Variants in ROR2 observed in about 807,000 individuals in gnomAD.
ROR2 encodes tyrosine-protein kinase transmembrane receptor ROR2.
In ROR2, 33 loss-of-function variants were observed where a neutral mutation model predicts 74.9. The ratio of observed to expected loss-of-function variants is 0.44; its 90% CI spans 0.33 to 0.59. The LOEUF is 0.59. Ranked by LOEUF, ROR2 falls within the 20% of genes least tolerant of loss-of-function variation. The pLI, the probability that ROR2 is intolerant of heterozygous loss-of-function variation, is 0.02. For missense variants in ROR2, 1,216 were observed against 1,313.8 expected, an observed-to-expected ratio of 0.93 and a Z score of 1.15; for synonymous variants, 586 against 558.7, an observed-to-expected ratio of 1.05 and a Z score of -0.69.
intron 1 of ROR2, among the ~76,000 whole-genome samples, chr9:91,786,318 CTCTG>C (rs1213509253): frequency 1.4e-5 from 2 of 147,600 alleles, no homozygotes; most frequent in African/African-American, 5.0e-5. Context: ...CAGAGCAAGA[CTCTG>C]TCAATCAATC....
At chr9:91,740,404 T>C (rs1482106125) in intron 4 of ROR2, among the ~76,000 whole-genome samples, 1 of 151,572 alleles carries the variant, frequency 6.6e-6, no homozygotes. Flanking sequence ...AAAACAAAAT[T>C]AGCCAGGCGT....
At chr9:91,841,901 A>C (rs1260415087) in intron 1 of ROR2, among the ~76,000 whole-genome samples, 1 of 152,190 alleles carries the variant, frequency 6.6e-6, no homozygotes, top group Non-Finnish European at 1.5e-5. Flanking sequence ...GGCAGCCACC[A>C]TGAGAGTCAT....
At position 91,724,258 on chromosome 9, in the gene ROR2, G is replaced by A. The variant is rs1836916811; in HGVS notation, c.2236C>T (p.Leu746Phe). ...RPRFKDIHSR[L>F]RAWGNLSNYN... Reference sequence around the variant, plus strand: ...TTGGAAAGGTTGCCCCAGGCTCGGAGCCGGCTGTGGATGTCCTTGAAGCGG... The same window carrying A: ...TTGGAAAGGTTGCCCCAGGCTCGGAACCGGCTGTGGATGTCCTTGAAGCGG... Residue 746 changes from leucine (L) to phenylalanine (F), a missense_variant, in exon 9 of 9, where the codon CTC (leucine) becomes TTC (phenylalanine). Coordinates refer to ENST00000375708, the MANE Select transcript of ROR2 (RefSeq NM_004560.4). 6.2e-7 allele frequency: 1 copy of A among 1,613,526 alleles called. No homozygotes were observed. Among genetic ancestry groups the A allele is most frequent in the East Asian group, 2.2e-5 (1 of 44,884 alleles).
At chr9:91,739,366 G>A (rs1825141769) in intron 4 of ROR2, among the ~76,000 whole-genome samples, 1 of 152,076 alleles carries the variant, frequency 6.6e-6, no homozygotes, top group Non-Finnish European at 1.5e-5. Flanking sequence ...AACTAGCTGG[G>A]CGTGGTGGCG....
At chr9:91,759,815 C>T (rs1336266868) in intron 2 of ROR2, among the ~76,000 whole-genome samples, 1 of 152,208 alleles carries the variant, frequency 6.6e-6, no homozygotes, top group Admixed American at 6.5e-5. Context: ...GTCTCACGGA[C>T]AGCACCACGT....
intron 1 of ROR2, among the ~76,000 whole-genome samples, chr9:91,879,880 G>A (rs1241167852): frequency 6.6e-6 from 1 of 151,950 alleles, no homozygotes; most frequent in Non-Finnish European, 1.5e-5. Context: ...AGAGCTTTTT[G>A]CCTCTGCTTG....
At chr9:91,891,242 C>A (rs138228364) in intron 1 of ROR2, among the ~76,000 whole-genome samples, 81 of 145,338 alleles carry the variant, frequency 5.6e-4, no homozygotes, top group Non-Finnish European at 8.2e-4. Context: ...GTCAGCAGGG[C>A]TGTTCCTTTC....
chr9:91,915,470 G>A (rs548835478), intron 1 of ROR2, among the ~76,000 whole-genome samples: 4 of 152,270 alleles, frequency 2.6e-5, no homozygotes, highest in East Asian at 3.9e-4. Context: ...TTTTTCTTCC[G>A]GTGGGTTCGT....
In ROR2 at chr9:91,786,322, GTCAATCAA is replaced by G. The variant is rs139592847; in HGVS notation, c.98-10512_98-10505del. 7.8e-3 allele frequency among the ~76,000 whole-genome samples: 1,153 copies of G among 147,898 alleles called. 2 individuals carry two copies. Among genetic ancestry groups the G allele is most frequent in the South Asian group, 0.021 (95 of 4,596 alleles). On this transcript the variant is annotated intron_variant, in intron 1 of 8. Coordinates refer to ENST00000375708, the MANE Select transcript of ROR2 (RefSeq NM_004560.4). ...AGTCTGGGCAACAGAGCAAGACTCT[GTCAATCAA>G]TCAATCAATCAATCAATCAATAAGT...
At chr9:91,869,979 C>G (rs190791291) in intron 1 of ROR2, among the ~76,000 whole-genome samples, 1 of 152,246 alleles carries the variant, frequency 6.6e-6, no homozygotes, top group Admixed American at 6.5e-5. Context: ...CCAAAGGCAG[C>G]CCACCATCTG....
intron 1 of ROR2, among the ~76,000 whole-genome samples, chr9:91,936,213 G>A (rs919385986): frequency 6.6e-6 from 1 of 152,162 alleles, no homozygotes; most frequent in Non-Finnish European, 1.5e-5. Flanking sequence ...GGCACTTATG[G>A]GTGGATGCGT....
chr9:91,748,347 T>C (rs1170697718), intron 4 of ROR2, among the ~76,000 whole-genome samples: 9 of 152,152 alleles, frequency 5.9e-5, no homozygotes, highest in Non-Finnish European at 4.4e-5. Flanking sequence ...AGTTGTCAAG[T>C]GAGACATATG....
intron 1 of ROR2, among the ~76,000 whole-genome samples, chr9:91,875,672 A>G (rs2119347341): frequency 6.6e-6 from 1 of 152,328 alleles, no homozygotes; most frequent in African/African-American, 2.4e-5. Context: ...GAGCCAAAAG[A>G]AAGAAAATGA....
intron 1 of ROR2, among the ~76,000 whole-genome samples, chr9:91,829,565 A>AAAAAAAAAAAAAAAAAAAC: frequency 1.3e-5 from 2 of 150,812 alleles, no homozygotes; most frequent in African/African-American, 2.4e-5. Context: ...AAAAAAAAAA[A>AAAAAAAAAAAAAAAAAAAC]AAAAAAAAGC....
At chr9:91,801,609 C>T (rs950730880) in intron 1 of ROR2, among the ~76,000 whole-genome samples, 18 of 152,192 alleles carry the variant, frequency 1.2e-4, no homozygotes, top group Non-Finnish European at 2.4e-4. Flanking sequence ...GGATTACCGG[C>T]GTGAGCCACA....
At chr9:91,779,325 T>C (rs960616859) in intron 1 of ROR2, among the ~76,000 whole-genome samples, 2 of 151,570 alleles carry the variant, frequency 1.3e-5, no homozygotes, top group Non-Finnish European at 2.9e-5. Flanking sequence ...GGCTCACAAG[T>C]AGAACTGCAT....
At chr9:91,796,904 A>G (rs1390600308) in intron 1 of ROR2, among the ~76,000 whole-genome samples, 4 of 58,632 alleles carry the variant, frequency 6.8e-5, no homozygotes, top group Admixed American at 2.1e-4. Flanking sequence ...GGATCTGTGG[A>G]TGGGGCTGAC....
intron 1 of ROR2, among the ~76,000 whole-genome samples, chr9:91,859,056 G>A (rs1210306423): frequency 6.6e-6 from 1 of 152,168 alleles, no homozygotes; most frequent in Non-Finnish European, 1.5e-5. Flanking sequence ...CGGGAGCCAG[G>A]CAGCATGGGT....
intron 7 of ROR2, among the ~76,000 whole-genome samples, chr9:91,727,791 T>C (rs1837095316): frequency 6.6e-6 from 1 of 152,180 alleles, no homozygotes; most frequent in African/African-American, 2.4e-5. Flanking sequence ...TGATTTCTGG[T>C]CAGTGTGAGG....
Sources: allele counts gnomAD v4.1 joint callset (sites outside exome capture counted in the v4.1 genomes callset), GRCh38; gene constraint gnomAD v4.1.1; transcripts MANE v1.5; gene names NCBI Gene and HGNC (gene_info 2026-07-23, HGNC 2026-07-21).